The following XYLT1 variants were observed in gnomAD, a reference collection of about 807,000 sequenced individuals.
XYLT1 encodes the protein xylosyltransferase 1, also known as beta-D-xylosyltransferase 1.
XYLT1 carries 36 observed loss-of-function variants against 91.3 expected under a neutral mutation model. That is an observed-to-expected ratio of 0.39 (90% CI 0.30 to 0.52). The LOEUF is 0.52. Among genes scored for constraint, XYLT1 ranks in the 20% least tolerant of loss-of-function variants. The probability of loss-of-function intolerance (pLI) is 0.68; values close to 1 mark genes in which losing one functional copy is unlikely to be tolerated. For synonymous variants in XYLT1, 588 were observed against 532.0 expected (o/e 1.11, Z -1.45); for missense variants, 1,242 against 1,284.5 (o/e 0.97, Z 0.51).
intron 2 of XYLT1, among the ~76,000 whole-genome samples, chr16:17,350,280 C>T (rs544723959): frequency 1.3e-4 from 20 of 152,284 alleles, no homozygotes; most frequent in African/African-American, 3.1e-4. Context: ...GATCTCAACA[C>T]GATCTATTTT....
chr16:17,391,387 G>A (rs993242471), intron 1 of XYLT1, among the ~76,000 whole-genome samples: 1 of 152,038 alleles, frequency 6.6e-6, no homozygotes, highest in Non-Finnish European at 1.5e-5. Flanking sequence ...AACTTTGTCC[G>A]CCAAACTATC....
Position 17,470,867 on chromosome 16 carries a change from AGCTCCCGCGGCCGCCGGCTGCCGCTCGG to A in XYLT1, c.-99_-72del. ...TCCGGGCCGCCCCCGCGCTCCCCGC[AGCTCCCGCGGCCGCCGGCTGCCGCTCGG>A]GCTCCCGCTCGGGCCGCCGCCGCCG... is the stretch of plus-strand genomic sequence containing the variant. On this transcript the variant is annotated 5_prime_UTR_variant, in exon 1 of 12. Coordinates refer to ENST00000261381, the MANE Select transcript of XYLT1 (RefSeq NM_022166.4). 1.2e-6 allele frequency: 1 copy of A among 835,210 alleles called. No individual in the cohort carries two copies. The allele number at this position is 835,210 out of a possible 1,614,324, so 51.7% of individuals were successfully genotyped here.
At chr16:17,238,600 G>T (rs574984393) in intron 3 of XYLT1, among the ~76,000 whole-genome samples, 4 of 152,284 alleles carry the variant, frequency 2.6e-5, no homozygotes, top group African/African-American at 9.6e-5. Flanking sequence ...ACCCCAATAA[G>T]GGAAAACTCT....
At chr16:17,214,712 T>A (rs2032823710) in intron 3 of XYLT1, among the ~76,000 whole-genome samples, 1 of 152,162 alleles carries the variant, frequency 6.6e-6, no homozygotes, top group South Asian at 2.1e-4. Flanking sequence ...AGAAGACAGA[T>A]AATAAACACA....
chr16:17,323,933 C>G (rs1188832754), intron 2 of XYLT1, among the ~76,000 whole-genome samples: 2 of 152,184 alleles, frequency 1.3e-5, no homozygotes, highest in African/African-American at 2.4e-5. Context: ...TTATTCAGAG[C>G]TGGCCAACTT....
chr16:17,401,096 A>G (rs1369160702), intron 1 of XYLT1, among the ~76,000 whole-genome samples: 1 of 152,172 alleles, frequency 6.6e-6, no homozygotes, highest in Non-Finnish European at 1.5e-5. Flanking sequence ...ATGAATTCCA[A>G]TCAGCCCCAG....
intron 3 of XYLT1, among the ~76,000 whole-genome samples, chr16:17,234,408 G>A (rs1157352952): frequency 6.6e-6 from 1 of 152,098 alleles, no homozygotes; most frequent in South Asian, 2.1e-4. Context: ...TCTGATCAAC[G>A]CTAAGTCTTG....
chr16:17,327,628 C>T lies in XYLT1; in HGVS notation c.402+30384G>A, dbSNP rs1210603925. Among the ~76,000 whole-genome samples, 38 of 118,314 alleles carry T rather than the reference C, an allele frequency of 3.2e-4. 6 individuals are homozygous for T. The South Asian group carries it at 0.011, about 33-fold the overall frequency. The allele number at this position is 118,314 out of a possible 152,430, so 77.6% of individuals were successfully genotyped here. On this transcript the variant is annotated intron_variant, in intron 2 of 11. Transcript: ENST00000261381. ...CCCGCCCCCCCCCCCCCCCCCCCCC[C>T]GCCTCGGCCTCCCAAAGTGCTGGGA...
Position 17,259,119 on chromosome 16 carries a change from C to A in XYLT1, c.782G>T (p.Gly261Val). 6.3e-7 allele frequency: 1 copy of A among 1,577,056 alleles called. No homozygotes were observed. Residue 261 changes from glycine to valine, a missense_variant, in exon 3 of 12, where the codon GGC (glycine) becomes GTC (valine). Gly to Val is a moderately radical substitution (Grantham distance 109, BLOSUM62 -3). This residue lies in a region of XYLT1 where 437 missense variants were observed against 411.5 expected (regional missense o/e 1.06). Transcript: ENST00000261381. ...YDQPPKCDIS[G>V]KEAISALSRA... is the part of the protein sequence containing the mutation. ...GGACAGGGCAGAGATGGCCTCCTTG[C>A]CTGAGATGTCACACTTAGGGGGCTG...
chr16:17,320,984 C>A (rs1324397909), intron 2 of XYLT1, among the ~76,000 whole-genome samples: 1 of 151,988 alleles, frequency 6.6e-6, no homozygotes, highest in Non-Finnish European at 1.5e-5. Context: ...GTAGGTGGAG[C>A]CCTGTCCCTA....
At chr16:17,220,768 C>T (rs543663302) in intron 3 of XYLT1, among the ~76,000 whole-genome samples, 3 of 152,314 alleles carry the variant, frequency 2.0e-5, no homozygotes, top group East Asian at 1.9e-4. Context: ...CCACCACGTT[C>T]GGCCTGTGTT....
At chr16:17,339,061 A>C (rs1268092947) in intron 2 of XYLT1, among the ~76,000 whole-genome samples, 1 of 152,206 alleles carries the variant, frequency 6.6e-6, no homozygotes, top group African/African-American at 2.4e-5. Flanking sequence ...GGTGACACAA[A>C]TCATTTAAAT....
intron 1 of XYLT1, among the ~76,000 whole-genome samples, chr16:17,383,594 G>A (rs2035708929): frequency 6.6e-6 from 1 of 151,820 alleles, no homozygotes; most frequent in Non-Finnish European, 1.5e-5. Flanking sequence ...TCAACAAAAG[G>A]AACATTTACA....
At chr16:17,377,461 T>C (rs12927173) in intron 1 of XYLT1, among the ~76,000 whole-genome samples, 78,547 of 151,870 alleles carry the variant, frequency 0.52, 22,296 homozygotes, top group African/African-American at 0.74. Flanking sequence ...GCTCTTTGTT[T>C]GGCGGGACAG....
intron 1 of XYLT1, among the ~76,000 whole-genome samples, chr16:17,375,291 G>A (rs764935474): frequency 6.6e-6 from 1 of 152,116 alleles, no homozygotes; most frequent in Non-Finnish European, 1.5e-5. Context: ...TCTGGGTCTT[G>A]TTTTATAGAT....
At chr16:17,153,926 G>C (rs538835798) in intron 6 of XYLT1, among the ~76,000 whole-genome samples, 1 of 152,270 alleles carries the variant, frequency 6.6e-6, no homozygotes, top group African/African-American at 2.4e-5. Flanking sequence ...CAGTCACTAT[G>C]GAGTAATAAA....
intron 1 of XYLT1, among the ~76,000 whole-genome samples, chr16:17,397,273 GC>G (rs1428526426): frequency 1.3e-5 from 2 of 152,118 alleles, no homozygotes; most frequent in Non-Finnish European, 2.9e-5. Context: ...AATAAGCATT[GC>G]CATCGACCTC....
At chr16:17,362,450 G>T (rs1049948993) in intron 1 of XYLT1, among the ~76,000 whole-genome samples, 2 of 152,182 alleles carry the variant, frequency 1.3e-5, no homozygotes, top group African/African-American at 2.4e-5. Flanking sequence ...AGACAGAAAT[G>T]AGTTTAAAGT....
intron 2 of XYLT1, among the ~76,000 whole-genome samples, chr16:17,348,835 C>T (rs1286663280): frequency 1.3e-5 from 2 of 152,214 alleles, no homozygotes; most frequent in Non-Finnish European, 2.9e-5. Flanking sequence ...TTTTAAGCTC[C>T]GCAGTATGCA....
Sources: gnomAD v4.1 joint callset for allele counts (sites outside exome capture counted in the v4.1 genomes callset) on GRCh38, gnomAD v4.1.1 for gene constraint, gnomAD v4.1.1 regional missense constraint, MANE v1.5 for transcripts, NCBI Gene and HGNC (gene_info 2026-07-23, HGNC 2026-07-21) for gene names.